Variants in IGF1R observed in about 807,000 individuals in gnomAD.
IGF1R encodes insulin like growth factor 1 receptor, also known as insulin-like growth factor 1 receptor.
In IGF1R, 44 loss-of-function variants were observed where a neutral mutation model predicts 144.6. The observed-to-expected ratio is 0.30, with a 90% CI of 0.24 to 0.39. The LOEUF is 0.39. Among genes scored for constraint, IGF1R ranks in the 10% least tolerant of loss-of-function variants. The probability of loss-of-function intolerance (pLI) is 1.00; values close to 1 mark genes in which losing one functional copy is unlikely to be tolerated. For synonymous variants in IGF1R, 795 were observed against 722.8 expected, an observed-to-expected ratio of 1.10 and a Z score of -1.60; for missense variants, 1,355 against 1,833.7, an observed-to-expected ratio of 0.74 and a Z score of 4.77.
chr15:98,884,055 A>T (rs1253069505), intron 2 of IGF1R, among the ~76,000 whole-genome samples: 1 of 152,204 alleles, frequency 6.6e-6, no homozygotes, highest in Admixed American at 6.5e-5. Flanking sequence ...TTCACAGATG[A>T]ATATACTGTA....
intron 2 of IGF1R, among the ~76,000 whole-genome samples, chr15:98,876,015 G>C (rs2013042862): frequency 6.6e-6 from 1 of 152,166 alleles, no homozygotes; most frequent in African/African-American, 2.4e-5. Context: ...AAGTGATGTT[G>C]GGTGGGCCAG....
intron 1 of IGF1R, among the ~76,000 whole-genome samples, chr15:98,690,032 A>G (rs949638451): frequency 6.6e-6 from 1 of 152,160 alleles, no homozygotes; most frequent in Admixed American, 6.5e-5. Context: ...GATCATTTTC[A>G]TGATGATAAT....
chr15:98,855,299 C>T (rs1214954094), intron 2 of IGF1R, among the ~76,000 whole-genome samples: 1 of 152,208 alleles, frequency 6.6e-6, no homozygotes. Flanking sequence ...GCGTGGGCAC[C>T]TCGGACCCAG....
At chr15:98,906,560 G>T (rs146970397) in intron 5 of IGF1R, among the ~76,000 whole-genome samples, 1 of 152,190 alleles carries the variant, frequency 6.6e-6, no homozygotes, top group African/African-American at 2.4e-5. Flanking sequence ...CCTGCAGCCT[G>T]GTAGTGAGAA....
At chr15:98,662,754 T>G (rs1338701005) in intron 1 of IGF1R, among the ~76,000 whole-genome samples, 2 of 151,986 alleles carry the variant, frequency 1.3e-5, no homozygotes, top group Non-Finnish European at 2.9e-5. Flanking sequence ...ATGTCTGACT[T>G]TAGTGTGCCC....
chr15:98,691,009 C>T (rs193063613), intron 1 of IGF1R, among the ~76,000 whole-genome samples: 5 of 152,316 alleles, frequency 3.3e-5, no homozygotes, highest in East Asian at 1.9e-4. Context: ...AAAGTTGCCG[C>T]GATAGTCTAG....
At chr15:98,717,924 T>G (rs2054158367) in intron 2 of IGF1R, among the ~76,000 whole-genome samples, 1 of 152,178 alleles carries the variant, frequency 6.6e-6, no homozygotes, top group Non-Finnish European at 1.5e-5. Context: ...CTGTTTATCC[T>G]CTTCTTTGGT....
intron 2 of IGF1R, among the ~76,000 whole-genome samples, chr15:98,841,372 A>G (rs1010533555): frequency 2.0e-5 from 3 of 152,234 alleles, no homozygotes; most frequent in Admixed American, 2.0e-4. Flanking sequence ...TCTCTAAAGT[A>G]TGGAAAATAA....
rs185302268 is a variant in IGF1R, at chr15:98,759,313, G to C, written c.640+51206G>C. Among the ~76,000 whole-genome samples the C allele has an allele frequency of 2.6e-3, 393 of 152,326 alleles. 1 individual carries two copies. Among genetic ancestry groups the C allele is most frequent in the Non-Finnish European group, 3.3e-3 (226 of 68,034 alleles). On this transcript the variant is annotated intron_variant, in intron 2 of 20. Coordinates refer to ENST00000650285, the MANE Select transcript of IGF1R (RefSeq NM_000875.5). ...CTGTTTATCCAGAGTGCCCCAGAAA[G>C]GACAGTAGTGTTAGGTTAAACCTGT...
intron 2 of IGF1R, among the ~76,000 whole-genome samples, chr15:98,736,615 T>C (rs917901223): frequency 1.2e-3 from 166 of 140,800 alleles, no homozygotes; most frequent in Non-Finnish European, 1.5e-3. Context: ...TTTTTCTTTT[T>C]TCTTTTTTTT....
At chr15:98,790,698 C>T (rs533960619) in intron 2 of IGF1R, among the ~76,000 whole-genome samples, 5 of 152,242 alleles carry the variant, frequency 3.3e-5, no homozygotes, top group East Asian at 1.9e-4. Context: ...TTAAGGAAAT[C>T]GGAAGGAAAA....
At chr15:98,892,988 G>C (rs1009722299) in intron 3 of IGF1R, among the ~76,000 whole-genome samples, 2 of 152,212 alleles carry the variant, frequency 1.3e-5, no homozygotes, top group African/African-American at 4.8e-5. Context: ...CTGCACTCCA[G>C]CACAGGCAAC....
chr15:98,870,746 C>T (rs1055751249), intron 2 of IGF1R, among the ~76,000 whole-genome samples: 4 of 152,104 alleles, frequency 2.6e-5, no homozygotes, highest in African/African-American at 9.7e-5. Flanking sequence ...AAATCTTTGC[C>T]AAATGGATGA....
At chr15:98,695,861 G>A (rs56063561) in intron 1 of IGF1R, among the ~76,000 whole-genome samples, 8 of 152,114 alleles carry the variant, frequency 5.3e-5, no homozygotes, top group African/African-American at 1.2e-4. Flanking sequence ...TTCTGCAGCC[G>A]TTCTCCATGA....
intron 1 of IGF1R, among the ~76,000 whole-genome samples, chr15:98,695,380 C>T (rs1026037910): frequency 1.3e-5 from 2 of 152,274 alleles, no homozygotes; most frequent in East Asian, 1.9e-4. Context: ...TCAGCATGCA[C>T]GATGTGTGTG....
chr15:98,786,701 T>A (rs1458436434), intron 2 of IGF1R, among the ~76,000 whole-genome samples: 1 of 152,194 alleles, frequency 6.6e-6, no homozygotes, highest in Non-Finnish European at 1.5e-5. Flanking sequence ...GCATGTACAT[T>A]TTCACTCATA....
intron 2 of IGF1R, among the ~76,000 whole-genome samples, chr15:98,782,651 C>T (rs2055886486): frequency 6.6e-6 from 1 of 152,154 alleles, no homozygotes; most frequent in East Asian, 1.9e-4. Context: ...TCTTTAATCA[C>T]TCCAAATTAG....
chr15:98,751,407 C>T (rs2055007658), intron 2 of IGF1R, among the ~76,000 whole-genome samples: 1 of 152,158 alleles, frequency 6.6e-6, no homozygotes, highest in Non-Finnish European at 1.5e-5. Flanking sequence ...GATGCCTCGC[C>T]ATGTTGCCCA....
chr15:98,899,475 A>G lies in IGF1R; in HGVS notation c.1103-2A>G, dbSNP rs2014366943. 1 of 1,613,704 alleles carries G rather than the reference A, an allele frequency of 6.2e-7. No homozygotes were observed. Among genetic ancestry groups the G allele is most frequent in the Non-Finnish European group, 8.5e-7 (1 of 1,179,592 alleles). On this transcript the variant is annotated splice_acceptor_variant, in intron 4 of 20. Transcript: ENST00000650285. LOFTEE classifies it high-confidence loss of function. ...CAGTGACACAATCCCCTTTCAATGT[A>G]GATAACATTGCTTCAGAGCTGGAGA...
Sources: allele counts gnomAD v4.1 joint callset (sites outside exome capture counted in the v4.1 genomes callset), GRCh38; gene constraint gnomAD v4.1.1; transcripts MANE v1.5; gene names NCBI Gene and HGNC (gene_info 2026-07-23, HGNC 2026-07-21).